Variants in NRIP1 observed in about 807,000 individuals in gnomAD.
The protein encoded by NRIP1 is nuclear receptor interacting protein 1, also known as nuclear receptor-interacting protein 1.
A neutral mutation model predicts 75.0 loss-of-function variants in NRIP1; 28 were observed. The observed-to-expected ratio is 0.37, with a 90% CI of 0.28 to 0.51. The LOEUF is 0.51. Among genes scored for constraint, NRIP1 ranks in the 20% least tolerant of loss-of-function variants. NRIP1 has a pLI of 0.92. For synonymous variants in NRIP1, 526 were observed against 487.6 expected, an observed-to-expected ratio of 1.08 and a Z score of -1.04; for missense variants, 1,435 against 1,343.7, an observed-to-expected ratio of 1.07 and a Z score of -1.06.
At chr21:15,045,871 C>A (rs1338453121) in intron 1 of NRIP1, among the ~76,000 whole-genome samples, 3 of 152,216 alleles carry the variant, frequency 2.0e-5, no homozygotes, top group Non-Finnish European at 4.4e-5. Flanking sequence ...TAACTACTTT[C>A]TTTGCTCATC....
chr21:14,987,592 G>A (rs1381321370), intron 3 of NRIP1, among the ~76,000 whole-genome samples: 1 of 152,180 alleles, frequency 6.6e-6, no homozygotes, highest in East Asian at 1.9e-4. Flanking sequence ...GGTGGGTGCT[G>A]CAGAGATGCA....
At chr21:15,065,344 C>G (rs1452107875), upstream of NRIP1, among the ~76,000 whole-genome samples, 1 of 151,812 alleles carries the variant, frequency 6.6e-6, no homozygotes, top group Non-Finnish European at 1.5e-5. Context: ...GGCCGTCCCC[C>G]GGGCTCCCAG....
intron 3 of NRIP1, among the ~76,000 whole-genome samples, chr21:14,970,337 G>A (rs2086868412): frequency 6.6e-6 from 1 of 152,144 alleles, no homozygotes; most frequent in Non-Finnish European, 1.5e-5. Context: ...CCTGAGGTCA[G>A]GAGTTTGAGA....
At chr21:15,027,456 G>C (rs1310171411) in intron 2 of NRIP1, among the ~76,000 whole-genome samples, 2 of 152,154 alleles carry the variant, frequency 1.3e-5, no homozygotes, top group African/African-American at 2.4e-5. Context: ...AATGTTAACT[G>C]TTAGGTGACA....
rs1227750429 is a variant in NRIP1, at chr21:14,967,309, C to T, written c.884G>A (p.Ser295Asn). 1.9e-6 allele frequency: 3 copies of T among 1,613,990 alleles called. No homozygotes were observed. Among genetic ancestry groups the T allele is most frequent in the Non-Finnish European group, 2.5e-6 (3 of 1,180,016 alleles). The change falls in exon 4 of 4, where the codon AGT (serine) becomes AAT (asparagine). Residue 295 changes from serine (S) to asparagine (N), a missense_variant. Ser to Asn is a conservative substitution (Grantham distance 46). Transcript: ENST00000318948. ...LKTQNANQAASERLAAMARLQ... is the reference protein window; with the variant it reads ...LKTQNANQAANERLAAMARLQ... ...TCTGGCCATAGCAGCAAGTCTTTCACTTGCTGCTTGATTTGCATTTTGCGT... is the reference window on the plus strand; with the variant it reads ...TCTGGCCATAGCAGCAAGTCTTTCATTTGCTGCTTGATTTGCATTTTGCGT...
At chr21:15,029,935 G>C (rs1054715482) in intron 2 of NRIP1, among the ~76,000 whole-genome samples, 17 of 152,190 alleles carry the variant, frequency 1.1e-4, no homozygotes, top group Non-Finnish European at 2.1e-4. Context: ...AAACACTGCA[G>C]TGACCTCCTC....
chr21:14,989,973 G>A (rs2087524566), intron 3 of NRIP1, among the ~76,000 whole-genome samples: 2 of 151,944 alleles, frequency 1.3e-5, no homozygotes, highest in Admixed American at 6.6e-5. Context: ...ACATGAAAGA[G>A]AATAGGTAGC....
chr21:14,998,384 G>A (rs1304127984), intron 3 of NRIP1, among the ~76,000 whole-genome samples: 2 of 152,220 alleles, frequency 1.3e-5, no homozygotes, highest in Non-Finnish European at 2.9e-5. Flanking sequence ...TGAAAAGTCA[G>A]CATTTAATTA....
chr21:15,024,129 A>G (rs1242562398), intron 2 of NRIP1, among the ~76,000 whole-genome samples: 1 of 152,252 alleles, frequency 6.6e-6, no homozygotes, highest in Non-Finnish European at 1.5e-5. Context: ...TAAGACACAG[A>G]AAGGTTAACT....
chr21:15,053,612 G>A (rs1218157387), intron 1 of NRIP1, among the ~76,000 whole-genome samples: 1 of 152,098 alleles, frequency 6.6e-6, no homozygotes, highest in Admixed American at 6.5e-5. Context: ...AACAATGAGG[G>A]AAAAAATTGT....
In NRIP1 at chr21:14,965,524, A is replaced by T; in HGVS notation, c.2669T>A (p.Leu890Gln). Reference protein sequence around the residue: ...AANNHSAPEVLYGSLLNQEEL... With the variant: ...AANNHSAPEVQYGSLLNQEEL... ...TTCCTGGTTAAGCAAGGACCCATAC[A>T]GTACTTCTGGGGCACTGTGATTGTT... The change falls in exon 4 of 4, where the codon CTG becomes CAG. Residue 890 changes from leucine to glutamine, a missense_variant. Leu to Gln is a moderately radical substitution (Grantham distance 113). Transcript: ENST00000318948. The T allele has an allele frequency of 6.2e-7, 1 of 1,614,044 alleles. No individual in the cohort carries two copies. Among genetic ancestry groups the T allele is most frequent in the South Asian group, 1.1e-5 (1 of 91,082 alleles).
intron 2 of NRIP1, among the ~76,000 whole-genome samples, chr21:15,016,356 T>A (rs146143769): frequency 6.6e-6 from 1 of 152,290 alleles, no homozygotes; most frequent in East Asian, 1.9e-4. Context: ...TGTAATTACA[T>A]GAGTACTCCT....
At chr21:15,065,307 C>G (rs1285585221), upstream of NRIP1, among the ~76,000 whole-genome samples, 2 of 151,932 alleles carry the variant, frequency 1.3e-5, no homozygotes, top group Admixed American at 6.5e-5. Context: ...ACCGCGTCCC[C>G]GAGAGAGGGG....
chr21:14,965,802 C>T lies in NRIP1; in HGVS notation c.2391G>A (p.Val797=), dbSNP rs1251033016. The change falls in exon 4 of 4, where the codon GTG becomes GTA. Residue 797 remains valine, a synonymous_variant. Transcript: ENST00000318948. Reference sequence around the variant, plus strand: ...CAGGCTCCGATTTAAAGTCTTCGGACACTGGTAAGGCAGGTGCGCTTCTCT... The same window carrying T: ...CAGGCTCCGATTTAAAGTCTTCGGATACTGGTAAGGCAGGTGCGCTTCTCT... ...AVQRSAPALP[V]SEDFKSEPVS... is the part of the protein sequence containing the mutation. The T allele has an allele frequency of 6.2e-7, 1 of 1,613,968 alleles. No homozygotes were observed. Among genetic ancestry groups the T allele is most frequent in the East Asian group, 2.2e-5 (1 of 44,878 alleles).
chr21:15,034,555 A>G (rs2088788828), intron 2 of NRIP1, among the ~76,000 whole-genome samples: 1 of 152,204 alleles, frequency 6.6e-6, no homozygotes, highest in African/African-American at 2.4e-5. Context: ...TTATAGTTCA[A>G]ACAAATTCAG....
At chr21:15,036,476 T>C (rs2823013) in intron 2 of NRIP1, among the ~76,000 whole-genome samples, 21,084 of 152,120 alleles carry the variant, frequency 0.14, 2,659 homozygotes, top group African/African-American at 0.32. Flanking sequence ...TCATCTTTGC[T>C]TATGCTGCTG....
At chr21:15,018,699 C>T (rs2088295457) in intron 2 of NRIP1, among the ~76,000 whole-genome samples, 1 of 152,170 alleles carries the variant, frequency 6.6e-6, no homozygotes, top group South Asian at 2.1e-4. Context: ...CACACATATA[C>T]ACACACCATA....
intron 3 of NRIP1, among the ~76,000 whole-genome samples, chr21:15,005,209 T>C (rs189283838): frequency 3.5e-4 from 54 of 152,296 alleles, no homozygotes; most frequent in Non-Finnish European, 7.1e-4. Flanking sequence ...TGGGTGACTA[T>C]CTCTTTAAAT....
In NRIP1 at chr21:15,029,285, C is replaced by A. The variant is rs560489413; in HGVS notation, c.-458+14210G>T. Among the ~76,000 whole-genome samples the A allele has an allele frequency of 2.0e-5, 3 of 152,162 alleles. No homozygotes were observed. In the South Asian group the frequency reaches 6.2e-4, roughly 32 times the overall value. ...CCCCTCTGACCTCATCTCCTGTGAC[C>A]CTCCCTCACTCACCCCACTCCAGCC... On this transcript the variant is annotated intron_variant, in intron 2 of 3. Transcript: ENST00000318948.
Sources: gnomAD v4.1 joint callset for allele counts (sites outside exome capture counted in the v4.1 genomes callset) on GRCh38, gnomAD v4.1.1 for gene constraint, MANE v1.5 for transcripts, NCBI Gene and HGNC (gene_info 2026-07-23, HGNC 2026-07-21) for gene names.